The following RBP3 variants were observed in gnomAD, a reference collection of about 807,000 sequenced individuals.
The protein encoded by RBP3 is retinol-binding protein 3.
Under a neutral mutation model 64.8 loss-of-function variants are expected in RBP3, and 50 were observed. The ratio of observed to expected loss-of-function variants is 0.77; its 90% CI spans 0.61 to 0.98. RBP3 has a LOEUF of 0.98. Among genes scored for constraint, RBP3 ranks in the 50% least tolerant of loss-of-function variants. RBP3 has a pLI of 0.00. For missense variants in RBP3, 1,712 were observed against 1,660.5 expected, an observed-to-expected ratio of 1.03 and a Z score of -0.54; for synonymous variants, 828 against 730.2, an observed-to-expected ratio of 1.13 and a Z score of -2.16.
chr10:47,353,388 GACA>G lies in RBP3; in HGVS notation c.3122_3124del (p.Asn1041del). 2 of 1,614,122 alleles carry G rather than the reference GACA, an allele frequency of 1.2e-6. No homozygotes were observed. The highest frequency in any genetic ancestry group is 1.7e-6 in the Non-Finnish European group (2 of 1,180,036). ...TTCCTTCCACACTAACGTGCTTGAGGACAACATTGGCTACTTGAGGTTTGACAT... is the reference window on the plus strand; with the variant it reads ...TTCCTTCCACACTAACGTGCTTGAGGACATTGGCTACTTGAGGTTTGACAT... On this transcript the variant is annotated inframe_deletion, in exon 2 of 4. Coordinates refer to ENST00000584701, the MANE Select transcript of RBP3 (RefSeq NM_002900.3).
In RBP3 at chr10:47,350,539, G is replaced by T; in HGVS notation, c.2055G>T (p.Gln685His). 1 of 1,612,958 alleles carries T rather than the reference G, an allele frequency of 6.2e-7. No homozygotes were observed. Among genetic ancestry groups the T allele is most frequent in the Non-Finnish European group, 8.5e-7 (1 of 1,180,028 alleles). Residue 685 changes from glutamine to histidine, a missense_variant, in exon 1 of 4, where the codon CAG becomes CAT. Coordinates refer to ENST00000584701, the MANE Select transcript of RBP3 (RefSeq NM_002900.3). ...TGGACTTGGAGTCTCTGGCCTCTCA[G>T]CTCACAGCAGACCTCCAGGAGGTGT... ...TAVDLESLAS[Q>H]LTADLQEVSG...
chr10:47,356,647 A>G (rs1249319995), intron 3 of RBP3, among the ~76,000 whole-genome samples: 1 of 152,234 alleles, frequency 6.6e-6, no homozygotes, highest in Non-Finnish European at 1.5e-5. Flanking sequence ...CTACTAGGGA[A>G]CCTAAAATGA....
chr10:47,351,790 C>T (rs892819554), intron 1 of RBP3, among the ~76,000 whole-genome samples: 3 of 152,150 alleles, frequency 2.0e-5, no homozygotes, highest in Non-Finnish European at 1.5e-5. Context: ...TGGCAAAACC[C>T]GCAATTACTT....
chr10:47,357,592 C>A lies in RBP3; in HGVS notation c.*135C>A, dbSNP rs1351891804. 8.9e-6 allele frequency: 6 copies of A among 671,878 alleles called. No individual in the cohort carries two copies. Among genetic ancestry groups the A allele is most frequent in the Non-Finnish European group, 1.5e-5 (6 of 387,714 alleles). 41.6% of individuals were successfully genotyped at this position (671,878 alleles called of 1,614,324 possible). ...CTGCTGAGCTCTGGTTAGGTTACAG[C>A]TGGAGGTGTGTATATATACACACAC... On this transcript the variant is annotated 3_prime_UTR_variant, in exon 4 of 4. Transcript: ENST00000584701.
chr10:47,351,051 C>T lies in RBP3; in HGVS notation c.2567C>T (p.Ala856Val), dbSNP rs1555211495. The T allele has an allele frequency of 1.9e-6, 3 of 1,611,084 alleles. No individual in the cohort carries two copies. Among genetic ancestry groups the T allele is most frequent in the Non-Finnish European group, 1.7e-6 (2 of 1,179,862 alleles). ...AGTGGCTCTGCGGCCGAGGCCTTTG[C>T]ACACACCATGCAGGACCTGCAGCGG... ...HTSGSAAEAFAHTMQDLQRAT... is the reference protein window; with the variant it reads ...HTSGSAAEAFVHTMQDLQRAT... The change falls in exon 1 of 4, where the codon GCA becomes GTA. Residue 856 changes from alanine to valine, a missense_variant. Physicochemically the swap from Ala to Val is moderately conservative, Grantham distance 64 (BLOSUM62 0). Transcript: ENST00000584701.
At chr10:47,355,312 G>C in intron 2 of RBP3, 64 bp from the exon 3 acceptor site, 1 of 1,607,542 alleles carries the variant, frequency 6.2e-7, no homozygotes, top group Non-Finnish European at 8.5e-7. Context: ...TGGCCTCCCC[G>C]AGGGGCACAC....
At chr10:47,351,657 T>C in intron 1 of RBP3, 119 bp downstream of exon 1, 1 of 1,317,912 alleles carries the variant, frequency 7.6e-7, no homozygotes, top group South Asian at 1.2e-5. Context: ...TTCTCACGTT[T>C]AAGTTTTGAC....
Position 47,357,420 on chromosome 10 carries a change from G to A in RBP3, c.3707G>A (p.Arg1236Lys), listed in dbSNP as rs3740296. ...AKEMLQHNQL[R>K]VKRSPGLQDH... ...GAGATGCTCCAGCACAACCAGCTGAGGGTGAAGCGGAGCCCAGGCCTGCAG... is the reference window on the plus strand; with the variant it reads ...GAGATGCTCCAGCACAACCAGCTGAAGGTGAAGCGGAGCCCAGGCCTGCAG... The change falls in exon 4 of 4, where the codon AGG becomes AAG. Residue 1236 changes from arginine to lysine, a missense_variant. Physicochemically the swap from Arg to Lys is conservative, Grantham distance 26. Coordinates refer to ENST00000584701, the MANE Select transcript of RBP3 (RefSeq NM_002900.3). 630 of 1,613,796 alleles carry A rather than the reference G, an allele frequency of 3.9e-4. 11 individuals carry two copies. In the East Asian group the frequency reaches 0.014, roughly 35 times the overall value.
rs1370633273 is a variant in RBP3, at chr10:47,357,102, G to C, written c.3389G>C (p.Gly1130Ala). 1 of 1,609,568 alleles carries C rather than the reference G, an allele frequency of 6.2e-7. No homozygotes were observed. Among genetic ancestry groups the C allele is most frequent in the Non-Finnish European group, 8.5e-7 (1 of 1,179,896 alleles). ...TCCTGAAGGGCCTTATGTCTTCCAG[G>C]TGAACGCTATGGCTCCAAGAAGAGC... Reference protein sequence around the residue: ...SELWTHAQVVGERYGSKKSMV... With the variant: ...SELWTHAQVVAERYGSKKSMV... Residue 1130 changes from glycine (G) to alanine (A), a missense_variant and splice_region_variant, in exon 4 of 4, where the codon GGT (glycine) becomes GCT (alanine). Physicochemically the swap from Gly to Ala is moderately conservative, Grantham distance 60. Transcript: ENST00000584701.
chr10:47,353,151 C>T (rs1555211752), intron 1 of RBP3, among the ~76,000 whole-genome samples, 174 bp from the exon 2 acceptor site: 1 of 152,060 alleles, frequency 6.6e-6, no homozygotes, highest in African/African-American at 2.4e-5. Flanking sequence ...CACACATGTC[C>T]CAGTGGCATG....
chr10:47,353,837 C>T (rs1837012570), intron 2 of RBP3, among the ~76,000 whole-genome samples: 2 of 152,052 alleles, frequency 1.3e-5, no homozygotes, highest in South Asian at 4.1e-4. Context: ...ACACTGATTC[C>T]TGGGCCCCAC....
Position 47,351,295 on chromosome 10 carries a change from G to A in RBP3, c.2811G>A (p.Val937=). The A allele has an allele frequency of 6.2e-7, 1 of 1,613,510 alleles. No homozygotes were observed. The highest frequency in any genetic ancestry group is 8.5e-7 in the Non-Finnish European group (1 of 1,180,042). The change falls in exon 1 of 4, where the codon GTG becomes GTA. Residue 937 remains valine, a synonymous_variant. Coordinates refer to ENST00000584701, the MANE Select transcript of RBP3 (RefSeq NM_002900.3). The stretch of plus-strand genomic sequence containing the variant: ...ACATAGTGGCTCTGCGTGCCAAGGT[G>A]CCCACGGTGCTGCAGACGGCCGGGA... ...AQDIVALRAK[V]PTVLQTAGKL... is the part of the protein sequence containing the mutation.
rs148030338 is a variant in RBP3, at chr10:47,351,349, C to T, written c.2865C>T (p.Ala955=). ...TGGTGGCTGATAACTATGCCTCTGCCGAGCTGGGGGCCAAGATGGCCACCA... is the reference window on the plus strand; with the variant it reads ...TGGTGGCTGATAACTATGCCTCTGCTGAGCTGGGGGCCAAGATGGCCACCA... ...GKLVADNYAS[A]ELGAKMATKL... The change falls in exon 1 of 4, where the codon GCC becomes GCT. Residue 955 remains alanine (A), a synonymous_variant. Coordinates refer to ENST00000584701, the MANE Select transcript of RBP3 (RefSeq NM_002900.3). The T allele has an allele frequency of 4.2e-5, 67 of 1,613,536 alleles. No individual in the cohort carries two copies. The highest frequency in any genetic ancestry group is 3.1e-4 in the East Asian group (14 of 44,888).
In RBP3 at chr10:47,357,576, T is replaced by G; in HGVS notation, c.*119T>G. The G allele has an allele frequency of 1.3e-6, 1 of 775,108 alleles. No homozygotes were observed. Among genetic ancestry groups the G allele is most frequent in the Non-Finnish European group, 2.1e-6 (1 of 472,228 alleles). The allele number at this position is 775,108 out of a possible 1,614,324, so 48.0% of individuals were successfully genotyped here. ...GGAGCAGCAAAGGGGCCTGCTGAGC[T>G]CTGGTTAGGTTACAGCTGGAGGTGT... On this transcript the variant is annotated 3_prime_UTR_variant, in exon 4 of 4. Transcript: ENST00000584701.
In RBP3 at chr10:47,350,640, C is replaced by T. The variant is rs375567540; in HGVS notation, c.2156C>T (p.Ala719Val). The T allele has an allele frequency of 3.7e-5, 60 of 1,612,734 alleles. No homozygotes were observed. The East Asian group carries it at 4.2e-4, about 11-fold the overall frequency. The change falls in exon 1 of 4, where the codon GCT becomes GTT. Residue 719 changes from alanine to valine, a missense_variant. By Grantham distance (64) the Ala-to-Val change is moderately conservative (BLOSUM62 0). Coordinates refer to ENST00000584701, the MANE Select transcript of RBP3 (RefSeq NM_002900.3). ...GAGGAAGCACCCCCACCACCCCCTGCTGTCCCCTCTCCAGAGGAGCTCACC... is the reference window on the plus strand; with the variant it reads ...GAGGAAGCACCCCCACCACCCCCTGTTGTCCCCTCTCCAGAGGAGCTCACC... ...VVEEAPPPPP[A>V]VPSPEELTYL...
In RBP3 at chr10:47,349,206, A is replaced by T. The variant is rs782211857; in HGVS notation, c.722A>T (p.Asp241Val). The change falls in exon 1 of 4, where the codon GAC (aspartate) becomes GTC (valine). Residue 241 changes from aspartate to valine, a missense_variant. Transcript: ENST00000584701. ...AGCCAGACCAGGGGCGTGGCCGAGGACATCGCGCACATCCTTAAGCAGATG... is the reference window on the plus strand; with the variant it reads ...AGCCAGACCAGGGGCGTGGCCGAGGTCATCGCGCACATCCTTAAGCAGATG... ...TSSQTRGVAE[D>V]IAHILKQMRR... 2.5e-5 allele frequency: 40 copies of T among 1,613,426 alleles called. No homozygotes were observed. The highest frequency in any genetic ancestry group is 3.1e-5 in the Non-Finnish European group (36 of 1,180,020).
At position 47,349,176 on chromosome 10, in the gene RBP3, C is replaced by T. The variant is rs782578091; in HGVS notation, c.692C>T (p.Thr231Ile). The T allele has an allele frequency of 1.2e-6, 2 of 1,613,762 alleles. No homozygotes were observed. Among genetic ancestry groups the T allele is most frequent in the East Asian group, 2.2e-5 (1 of 44,878 alleles). Residue 231 changes from threonine to isoleucine, a missense_variant, in exon 1 of 4, where the codon ACC (threonine) becomes ATC (isoleucine). Thr to Ile is a moderately conservative substitution (Grantham distance 89). Coordinates refer to ENST00000584701, the MANE Select transcript of RBP3 (RefSeq NM_002900.3). ...YGADKDVVVL[T>I]SSQTRGVAED... ...GCCGACAAGGATGTGGTGGTCCTCA[C>T]CAGCAGCCAGACCAGGGGCGTGGCC...
Position 47,351,138 on chromosome 10 carries a change from G to A in RBP3, c.2654G>A (p.Gly885Asp). ...CTCTCTGTGGGCATCTACCAGGTGG[G>A]CAGCAGCCCCTTATATGCATCCATG... is the stretch of plus-strand genomic sequence containing the variant. ...GALSVGIYQV[G>D]SSPLYASMPT... The change falls in exon 1 of 4, where the codon GGC becomes GAC. Residue 885 changes from glycine to aspartate, a missense_variant. Physicochemically the swap from Gly to Asp is moderately conservative, Grantham distance 94. Coordinates refer to ENST00000584701, the MANE Select transcript of RBP3 (RefSeq NM_002900.3). 1 of 1,613,006 alleles carries A rather than the reference G, an allele frequency of 6.2e-7. No individual in the cohort carries two copies. The highest frequency in any genetic ancestry group is 8.5e-7 in the Non-Finnish European group (1 of 1,180,040).
rs373982809 is a variant in RBP3, at chr10:47,349,451, C to T, written c.967C>T (p.Arg323Cys). 6.8e-5 allele frequency: 110 copies of T among 1,612,434 alleles called. No individual in the cohort carries two copies. The highest frequency in any genetic ancestry group is 3.3e-4 in the Middle Eastern group (2 of 6,084). ...GAAAGCCCTGGCCATCCTCACTCTG[C>T]GCAGCGCCCTTCCAGGGGTAGTCCA... ...LEKALAILTL[R>C]SALPGVVHCL... The change falls in exon 1 of 4, where the codon CGC becomes TGC. Residue 323 changes from arginine (R) to cysteine (C), a missense_variant. Physicochemically the swap from Arg to Cys is radical, Grantham distance 180 (BLOSUM62 -3). Transcript: ENST00000584701.
Sources: gnomAD v4.1 joint callset for allele counts (sites outside exome capture counted in the v4.1 genomes callset) on GRCh38, gnomAD v4.1.1 for gene constraint, MANE v1.5 for transcripts, NCBI Gene and HGNC (gene_info 2026-07-23, HGNC 2026-07-21) for gene names.